Variants in UPF2 observed in about 807,000 individuals in gnomAD.
UPF2 encodes UPF2 regulator of nonsense mediated mRNA decay, also known as regulator of nonsense transcripts 2.
A neutral mutation model predicts 141.4 loss-of-function variants in UPF2; 17 were observed. The ratio of observed to expected loss-of-function variants is 0.12; its 90% CI spans 0.08 to 0.18. The LOEUF (loss-of-function observed/expected upper bound fraction) is 0.18. Among genes scored for constraint, UPF2 ranks in the 10% least tolerant of loss-of-function variants. The pLI is 1.00. For missense variants in UPF2, 1,152 were observed against 1,515.9 expected (o/e 0.76, Z 3.99); for synonymous variants, 540 against 498.0 (o/e 1.08, Z -1.12).
rs757873532 is a variant in UPF2, at chr10:11,948,430, CCTT to C, written c.3110_3112del (p.Glu1037del). 3.5e-5 allele frequency: 56 copies of C among 1,611,252 alleles called. No individual in the cohort carries two copies. The highest frequency in any genetic ancestry group is 3.3e-5 in the South Asian group (3 of 90,836). ...AGATTGTTCTTCTGTTTCAGCCCCA[CCTT>C]CTTCTTCTTCTTCATCCTCTTCAAG... is the stretch of plus-strand genomic sequence containing the variant. On this transcript the variant is annotated inframe_deletion, in exon 16 of 22. Coordinates refer to ENST00000357604, the MANE Select transcript of UPF2 (RefSeq NM_015542.4).
chr10:11,938,866 T>TTTTGTTTTTTTTTG (rs1832895405), intron 18 of UPF2, among the ~76,000 whole-genome samples: 1 of 88,652 alleles, frequency 1.1e-5, no homozygotes, highest in East Asian at 5.5e-4. Flanking sequence ...TTTTTTTTTT[T>TTTTGTTTTTTTTTG]TTTTTTTTTT....
At chr10:11,974,354 T>C (rs529673193) in intron 9 of UPF2, among the ~76,000 whole-genome samples, 11 of 152,272 alleles carry the variant, frequency 7.2e-5, no homozygotes, top group East Asian at 3.9e-4. Context: ...CTTTTTCTAA[T>C]TGAATACCCT....
chr10:11,963,946 C>T, intron 11 of UPF2, 63 bp downstream of exon 11: 1 of 1,201,046 alleles, frequency 8.3e-7, no homozygotes, highest in Non-Finnish European at 1.2e-6. Flanking sequence ...TCAATATTTT[C>T]AACCTCTGAA....
intron 8 of UPF2, among the ~76,000 whole-genome samples, chr10:11,987,738 G>A (rs994570168): frequency 2.5e-4 from 35 of 139,430 alleles, no homozygotes; most frequent in African/African-American, 8.6e-4. Flanking sequence ...CTCCAGCCTG[G>A]GCGATAGAGC....
chr10:11,990,494 C>T (rs1181137780), intron 8 of UPF2, among the ~76,000 whole-genome samples: 3 of 152,116 alleles, frequency 2.0e-5, no homozygotes. Flanking sequence ...TCCTAGCTAA[C>T]ATGGTGAAAC....
chr10:11,997,356 T>C lies in UPF2; in HGVS notation c.1844+316A>G, dbSNP rs969323278. Among the ~76,000 whole-genome samples, 9 of 146,356 alleles carry C rather than the reference T, an allele frequency of 6.1e-5. No homozygotes were observed. In the South Asian group the frequency reaches 1.1e-3, roughly 18 times the overall value. On this transcript the variant is annotated intron_variant, in intron 8 of 21. Transcript: ENST00000357604. ...AAATAAAAACTCTCCAAAAAAATTA[T>C]GTTCCATTTATTACTTTTTCCTCAG...
At chr10:12,017,093 T>C (rs139673025) in intron 3 of UPF2, among the ~76,000 whole-genome samples, 2,927 of 151,522 alleles carry the variant, frequency 0.019, 45 homozygotes, top group Non-Finnish European at 0.032. Flanking sequence ...GTTTATTCCA[T>C]GGCACTTTAG....
At chr10:12,022,888 A>C (rs1030552201) in intron 3 of UPF2, among the ~76,000 whole-genome samples, 8 of 152,298 alleles carry the variant, frequency 5.3e-5, no homozygotes, top group African/African-American at 1.9e-4. Context: ...CAGACGAAAA[A>C]GTCTGCATTC....
At chr10:11,999,689 G>A (rs535211869) in intron 7 of UPF2, among the ~76,000 whole-genome samples, 10 of 152,260 alleles carry the variant, frequency 6.6e-5, no homozygotes, top group African/African-American at 2.4e-4. Context: ...ATCCATGTAT[G>A]AACAGGACAG....
Position 11,935,239 on chromosome 10 carries a change from A to T in UPF2, c.3546+1306T>A, listed in dbSNP as rs1050122028. On this transcript the variant is annotated intron_variant, in intron 19 of 21. Transcript: ENST00000357604. This position sits in a 1 kb window ranked among gnomAD's most constrained non-coding sequence, Gnocchi z 4.9. ...TTTATCCTCCTTGGTAGCCATCCCA[A>T]CGTGACTTGGTGTATTTCTCATATG... 2.0e-5 allele frequency among the ~76,000 whole-genome samples: 3 copies of T among 152,072 alleles called. No individual in the cohort carries two copies. Among genetic ancestry groups the T allele is most frequent in the African/African-American group, 7.2e-5 (3 of 41,396 alleles).
At position 12,029,536 on chromosome 10, in the gene UPF2, C is replaced by T. The variant is rs12411326; in HGVS notation, c.366-12G>A. ...ATTCTTCTTTTTCTCTATATAAAAA[C>T]AAACAAATAAATAAAATACTCTCTA... On this transcript the variant is annotated splice_polypyrimidine_tract_variant and intron_variant, in intron 2 of 21. Transcript: ENST00000357604. 6 of 1,562,644 alleles carry T rather than the reference C, an allele frequency of 3.8e-6. No homozygotes were observed. In the Admixed American group the frequency reaches 1.1e-4, roughly 28 times the overall value.
chr10:11,956,992 T>C lies in UPF2; in HGVS notation c.2371-469A>G, dbSNP rs188867201. Among the ~76,000 whole-genome samples, 77 of 152,286 alleles carry C rather than the reference T, an allele frequency of 5.1e-4. 1 individual carries two copies. In the East Asian group the frequency reaches 0.013, roughly 25 times the overall value. ...TGCAATAGCATGCCTGGCTAATTTT[T>C]ATATTTTTTGTAGAGGCGAGATCTT... On this transcript the variant is annotated intron_variant, in intron 12 of 21. Transcript: ENST00000357604. The surrounding 1 kb of genome is among the most constrained non-coding windows in gnomAD (Gnocchi z 4.2).
chr10:11,947,786 CAA>C (rs58897556), intron 16 of UPF2, among the ~76,000 whole-genome samples: 74 of 65,606 alleles, frequency 1.1e-3, no homozygotes, highest in East Asian at 3.5e-3. Flanking sequence ...AACCTTGTCT[CAA>C]AAAAAAAAAA....
intron 10 of UPF2, 123 bp from the exon 11 acceptor site, chr10:11,964,248 T>G (rs1833284064): frequency 1.8e-6 from 1 of 557,544 alleles, no homozygotes; most frequent in Non-Finnish European, 3.0e-6. Flanking sequence ...TGAGTCTACT[T>G]GGGTTCACTG....
rs375320494 is a variant in UPF2 at position 11,964,060 on chromosome 10, T to C, written c.2133A>G (p.Gly711=). The C allele has an allele frequency of 4.1e-5, 66 of 1,613,982 alleles. 2 individuals carry two copies. In the South Asian group the frequency reaches 5.5e-4, roughly 13 times the overall value. ...EMACTLLETC[G]RFLFRSPESH... is the part of the protein sequence containing the mutation. Reference sequence around the variant, plus strand: ...ATTCTGGAGATCTGAAAAGAAACCGTCCACATGTCTCCAGCAGGGTGCATG... The same window carrying C: ...ATTCTGGAGATCTGAAAAGAAACCGCCCACATGTCTCCAGCAGGGTGCATG... Residue 711 remains glycine, a synonymous_variant, in exon 11 of 22, where the codon GGA becomes GGG. Coordinates refer to ENST00000357604, the MANE Select transcript of UPF2 (RefSeq NM_015542.4).
At chr10:11,985,471 A>C (rs1379565299) in intron 8 of UPF2, among the ~76,000 whole-genome samples, 2 of 152,056 alleles carry the variant, frequency 1.3e-5, no homozygotes, top group Non-Finnish European at 2.9e-5. Context: ...CCCTGTCTCT[A>C]CTAAAAATAC....
intron 15 of UPF2, 90 bp downstream of exon 15, chr10:11,951,976 G>C (rs1833080720): frequency 2.3e-6 from 3 of 1,320,724 alleles, no homozygotes; most frequent in Non-Finnish European, 2.1e-6. Context: ...AAGATACAAT[G>C]TAAGCTCTGA....
At chr10:11,969,625 G>A (rs1833381907) in intron 9 of UPF2, among the ~76,000 whole-genome samples, 1 of 152,132 alleles carries the variant, frequency 6.6e-6, no homozygotes, top group African/African-American at 2.4e-5. Context: ...AAGAAGTACA[G>A]CCTTCATAAA....
intron 8 of UPF2, among the ~76,000 whole-genome samples, chr10:11,994,790 C>T (rs1833837758): frequency 6.6e-6 from 1 of 151,794 alleles, no homozygotes; most frequent in Non-Finnish European, 1.5e-5. Context: ...TCCTGGCTAA[C>T]ACAATAAAAC....
Sources: gnomAD v4.1 joint callset for allele counts (sites outside exome capture counted in the v4.1 genomes callset) on GRCh38, gnomAD v4.1.1 for gene constraint, Gnocchi (gnomAD v3.1) non-coding constraint, MANE v1.5 for transcripts, NCBI Gene and HGNC (gene_info 2026-07-23, HGNC 2026-07-21) for gene names.